NAA20: variants seen among roughly 807,000 people sequenced by gnomAD.
NAA20 encodes the protein N-alpha-acetyltransferase 20.
A neutral mutation model predicts 23.8 loss-of-function variants in NAA20; 24 were observed. The observed-to-expected ratio is 1.01, with a 90% CI of 0.73 to 1.42. The LOEUF is 1.42. NAA20 is among the 40% of genes most tolerant of loss of function. The pLI, the probability that NAA20 is intolerant of heterozygous loss-of-function variation, is 0.00. For synonymous variants in NAA20, 83 were observed against 77.7 expected (o/e 1.07, Z -0.36); for missense variants, 166 against 223.1 (o/e 0.74, Z 1.63).
intron 4 of NAA20, among the ~76,000 whole-genome samples, chr20:20,032,215 T>G (rs180803642): frequency 4.6e-5 from 7 of 151,996 alleles, no homozygotes; most frequent in Non-Finnish European, 8.8e-5. Flanking sequence ...GAAACTGTAA[T>G]AGGTGGTGAA....
chr20:20,018,053 C>G, intron 1 of NAA20: 1 of 1,614,196 alleles, frequency 6.2e-7, no homozygotes, highest in Non-Finnish European at 8.5e-7. Flanking sequence ...TTAGTGTTTG[C>G]AAGTTTAGTT....
At chr20:20,018,810 C>T in intron 1 of NAA20, 1 of 789,408 alleles carries the variant, frequency 1.3e-6, no homozygotes, top group Non-Finnish European at 1.5e-6. Flanking sequence ...GAGGTGCTGT[C>T]ACCCCCATTT....
chr20:20,033,000 T>TGG (rs1037139950), intron 5 of NAA20, 102 bp from the exon 6 acceptor site: 5 of 909,582 alleles, frequency 5.5e-6, no homozygotes, highest in Non-Finnish European at 8.7e-6. Flanking sequence ...TATGGTGAAG[T>TGG]GGGGGTAGGG....
At chr20:20,018,979 G>A (rs777095114) in intron 1 of NAA20, 162 of 975,286 alleles carry the variant, frequency 1.7e-4, no homozygotes, top group Non-Finnish European at 1.9e-4. Flanking sequence ...CGCACATTCC[G>A]TTTGCGATCC....
chr20:20,017,723 G>GCGCTCGGGCCTC, intron 1 of NAA20: 2 of 1,430,798 alleles, frequency 1.4e-6, no homozygotes, highest in Non-Finnish European at 1.8e-6. Context: ...TTCTGGGGCA[G>GCGCTCGGGCCTC]CGCTCGGGCC....
At chr20:20,018,221 A>G in intron 1 of NAA20, 1 of 726,190 alleles carries the variant, frequency 1.4e-6, no homozygotes, top group South Asian at 1.8e-5. Context: ...TTTTTTTTTA[A>G]GAAAACATTT....
Position 20,017,453 on chromosome 20 carries a change from A to G in NAA20, c.53+4A>G, listed in dbSNP as rs1011518905. 2 of 1,609,612 alleles carry G rather than the reference A, an allele frequency of 1.2e-6. No homozygotes were observed. Among genetic ancestry groups the G allele is most frequent in the Non-Finnish European group, 1.7e-6 (2 of 1,178,612 alleles). ...ACCTGTTCCGCTTCAACAACATGTGAGTGACACGCGCCTAGGGCCAGCCGC... is the reference window on the plus strand; with the variant it reads ...ACCTGTTCCGCTTCAACAACATGTGGGTGACACGCGCCTAGGGCCAGCCGC... On this transcript the variant is annotated splice_donor_region_variant and intron_variant, in intron 1 of 5. Transcript: ENST00000334982.
At chr20:20,026,740 A>C in intron 3 of NAA20, 44 bp from the exon 4 acceptor site, 1 of 1,606,810 alleles carries the variant, frequency 6.2e-7, no homozygotes, top group Non-Finnish European at 8.5e-7. Context: ...TTATGTGTAA[A>C]TCAATGTCTA....
At chr20:20,021,924 C>T (rs1011416221) in intron 1 of NAA20, among the ~76,000 whole-genome samples, 2 of 152,020 alleles carry the variant, frequency 1.3e-5, no homozygotes, top group African/African-American at 2.4e-5. Flanking sequence ...ACTAAGAACA[C>T]GTGATTGAAC....
rs1337255839 is a variant in NAA20 at position 20,033,499 on chromosome 20, A to G, written c.*312A>G. ...AAAGACTTGCTCCAGTCTCCTCCTCAGTTCTGTGCCTGAGAACCACTGCTG... is the reference window on the plus strand; with the variant it reads ...AAAGACTTGCTCCAGTCTCCTCCTCGGTTCTGTGCCTGAGAACCACTGCTG... On this transcript the variant is annotated 3_prime_UTR_variant, in exon 6 of 6. Coordinates refer to ENST00000334982, the MANE Select transcript of NAA20 (RefSeq NM_016100.5). 4.2e-6 allele frequency: 1 copy of G among 238,370 alleles called. No individual in the cohort carries two copies. Among genetic ancestry groups the G allele is most frequent in the Non-Finnish European group, 8.2e-6 (1 of 122,586 alleles). 14.8% of individuals were successfully genotyped at this position (238,370 alleles called of 1,614,324 possible).
At chr20:20,032,130 A>C (rs999822402) in intron 4 of NAA20, among the ~76,000 whole-genome samples, 1 of 151,942 alleles carries the variant, frequency 6.6e-6, no homozygotes, top group Non-Finnish European at 1.5e-5. Flanking sequence ...GCTGACTCTT[A>C]CAATGTTAGT....
rs2043353116 is a variant in NAA20 at position 20,032,584 on chromosome 20, TAC to T, written c.384_385del (p.Tyr128Ter). 6.2e-7 allele frequency: 1 copy of T among 1,613,730 alleles called. No individual in the cohort carries two copies. The highest frequency in any genetic ancestry group is 1.3e-5 in the African/African-American group (1 of 74,918). Reference sequence around the variant, plus strand: ...AGTTAACATGTACAAGCAGTTGGGCTACAGTGTATATAGGACGGTCATAGAGT... The same window carrying T: ...AGTTAACATGTACAAGCAGTTGGGCTAGTGTATATAGGACGGTCATAGAGT... ...VAVNMYKQLG[Y>X]SVYRTVIEYY... On this transcript the variant is annotated frameshift_variant, in exon 5 of 6. Transcript: ENST00000334982. LOFTEE classifies it high-confidence loss of function.
At chr20:20,017,649 G>C in intron 1 of NAA20, 200 bp downstream of exon 1, 1 of 1,346,348 alleles carries the variant, frequency 7.4e-7, no homozygotes, top group Non-Finnish European at 9.8e-7. Flanking sequence ...GTCGACGCAC[G>C]CCGGCCTTGG....
rs186122116 is a variant in NAA20 at position 20,033,427 on chromosome 20, C to T, written c.*240C>T. 9.6e-6 allele frequency: 4 copies of T among 416,092 alleles called. No homozygotes were observed. Among genetic ancestry groups the T allele is most frequent in the African/African-American group, 7.9e-5 (4 of 50,500 alleles). 25.8% of individuals were successfully genotyped at this position (416,092 alleles called of 1,614,324 possible). On this transcript the variant is annotated 3_prime_UTR_variant, in exon 6 of 6. Coordinates refer to ENST00000334982, the MANE Select transcript of NAA20 (RefSeq NM_016100.5). ...AAAAGGCAGCTAGGTCAGAAGGAAA[C>T]ATACCACTCTCATGGTTCATAGTAT...
At chr20:20,031,401 A>G (rs1238641522) in intron 4 of NAA20, among the ~76,000 whole-genome samples, 1 of 152,206 alleles carries the variant, frequency 6.6e-6, no homozygotes, top group Non-Finnish European at 1.5e-5. Flanking sequence ...AAAATTTCCC[A>G]GATTACCATT....
chr20:20,033,359 T>C lies in NAA20; in HGVS notation c.*172T>C, dbSNP rs1352619090. On this transcript the variant is annotated 3_prime_UTR_variant, in exon 6 of 6. Coordinates refer to ENST00000334982, the MANE Select transcript of NAA20 (RefSeq NM_016100.5). ...AAATCTCATTGTTTCCAGTTAGCAA[T>C]ATCATACCTATTAAAGCTGTTCATT... 1.1e-5 allele frequency: 6 copies of C among 571,026 alleles called. No individual in the cohort carries two copies. In the African/African-American group the frequency reaches 1.1e-4, roughly 11 times the overall value. 35.4% of individuals were successfully genotyped at this position (571,026 alleles called of 1,614,324 possible). A position where few individuals can be genotyped will look rare whatever the true frequency, so the allele number is the denominator to read the frequency against.
At position 20,017,444 on chromosome 20, in the gene NAA20, C is replaced by G; in HGVS notation, c.48C>G (p.Asn16Lys). The part of the protein sequence containing the change: ...AFTCDDLFRF[N>K]NINLDPLTET... ...CCTGCGACGACCTGTTCCGCTTCAACAACATGTGAGTGACACGCGCCTAGG... is the reference window on the plus strand; with the variant it reads ...CCTGCGACGACCTGTTCCGCTTCAAGAACATGTGAGTGACACGCGCCTAGG... Residue 16 changes from asparagine (N) to lysine (K), a missense_variant, in exon 1 of 6, where the codon AAC (asparagine) becomes AAG (lysine). Coordinates refer to ENST00000334982, the MANE Select transcript of NAA20 (RefSeq NM_016100.5). The G allele has an allele frequency of 6.2e-7, 1 of 1,611,234 alleles. No individual in the cohort carries two copies. Among genetic ancestry groups the G allele is most frequent in the Middle Eastern group, 1.7e-4 (1 of 6,044 alleles).
chr20:20,030,698 T>C (rs757667105), intron 4 of NAA20, among the ~76,000 whole-genome samples: 11 of 151,238 alleles, frequency 7.3e-5, no homozygotes, highest in Non-Finnish European at 1.5e-4. Flanking sequence ...TAAAAATCAA[T>C]TGTATTTACA....
intron 4 of NAA20, among the ~76,000 whole-genome samples, chr20:20,027,391 A>T (rs919735036): frequency 2.7e-4 from 41 of 152,320 alleles, no homozygotes; most frequent in African/African-American, 9.9e-4. Flanking sequence ...GAAAGAAGAA[A>T]TATTTTCATT....
Sources: allele counts gnomAD v4.1 joint callset (sites outside exome capture counted in the v4.1 genomes callset), GRCh38; gene constraint gnomAD v4.1.1; transcripts MANE v1.5; gene names NCBI Gene and HGNC (gene_info 2026-07-23, HGNC 2026-07-21).